FDPS: variants seen among roughly 807,000 people sequenced by gnomAD.
FDPS encodes farnesyl pyrophosphate synthase.
Under a neutral mutation model 49.5 loss-of-function variants are expected in FDPS, and 29 were observed. The observed-to-expected ratio is 0.59, with a 90% confidence interval of 0.44 to 0.80. The LOEUF (loss-of-function observed/expected upper bound fraction) is 0.80, where lower values mean the gene tolerates loss of function less well. FDPS is among the 30% of genes least tolerant of loss of function. FDPS has a pLI of 0.00. For missense variants in FDPS, 414 were observed against 525.6 expected (o/e 0.79, Z 2.08); for synonymous variants, 172 against 206.4 (o/e 0.83, Z 1.43).
intron 3 of FDPS, 85 bp downstream of exon 3, chr1:155,310,290 C>A: frequency 9.9e-5 from 111 of 1,122,294 alleles, no homozygotes; most frequent in Middle Eastern, 2.1e-4. Flanking sequence ...TTATGGGGGA[C>A]TTTTGACAGA....
chr1:155,320,256 ATT>A, intron 10 of FDPS, 151 bp from the exon 11 acceptor site: 1 of 703,678 alleles, frequency 1.4e-6, no homozygotes, highest in Admixed American at 2.7e-5. Flanking sequence ...GAAGCTTGGG[ATT>A]TTAGCTACGT....
chr1:155,313,389 G>A (rs1027356583), intron 4 of FDPS, among the ~76,000 whole-genome samples: 2 of 152,188 alleles, frequency 1.3e-5, no homozygotes, highest in African/African-American at 4.8e-5. Context: ...TGCCATGCCC[G>A]AGGAGGGTGG....
intron 2 of FDPS, 28 bp downstream of exon 2, chr1:155,309,993 G>A: frequency 6.2e-7 from 1 of 1,611,386 alleles, no homozygotes; most frequent in Non-Finnish European, 8.5e-7. Flanking sequence ...GAGGGGCCTT[G>A]GGGAGGGGAG....
intron 3 of FDPS, among the ~76,000 whole-genome samples, chr1:155,311,971 CAAAAAAAT>C (rs1361819269): frequency 4.7e-5 from 7 of 148,926 alleles, no homozygotes; most frequent in African/African-American, 1.5e-4. Context: ...GAATTCATCT[CAAAAAAAT>C]AAATAAATAA....
At position 155,320,628 on chromosome 1, in the gene FDPS, G is replaced by C. The variant is rs1049166713; in HGVS notation, c.*19G>C. On this transcript the variant is annotated 3_prime_UTR_variant, in exon 11 of 11. Transcript: ENST00000368356. ...AAAGTGACCTAGAGATTGCAAGGGC[G>C]GGGAGAGGAGGCTCTCAATAAATAA... 3 of 1,611,420 alleles carry C rather than the reference G, an allele frequency of 1.9e-6. No homozygotes were observed. The highest frequency in any genetic ancestry group is 1.1e-5 in the South Asian group (1 of 91,046).
In FDPS at chr1:155,318,126, G is replaced by A. The variant is rs199833424; in HGVS notation, c.562-43G>A. On this transcript the variant is annotated intron_variant, in intron 5 of 10. Coordinates refer to ENST00000368356, the MANE Select transcript of FDPS (RefSeq NM_002004.4). This position sits in a 1 kb window ranked among gnomAD's most constrained non-coding sequence, Gnocchi z 4.2. The stretch of plus-strand genomic sequence containing the variant: ...GGGGTGATGGCTCTTAGTATGAACC[G>A]AGACTAGAGATTGATTGCTTGTTTT... 56 of 1,613,856 alleles carry A rather than the reference G, an allele frequency of 3.5e-5. No homozygotes were observed. Among genetic ancestry groups the A allele is most frequent in the East Asian group, 6.7e-5 (3 of 44,890 alleles).
chr1:155,317,732 A>C, intron 4 of FDPS: 1 of 529,768 alleles, frequency 1.9e-6, no homozygotes, highest in East Asian at 3.2e-5. Context: ...TGGTCTCAGG[A>C]ACTCAGGAAG....
chr1:155,312,444 C>T, intron 4 of FDPS, 49 bp downstream of exon 4: 13 of 1,334,078 alleles, frequency 9.7e-6, no homozygotes, highest in Admixed American at 1.8e-5. Context: ...ATGGTGGTGA[C>T]TTGGGTGGGA....
Position 155,319,593 on chromosome 1 carries a change from A to AC in FDPS, c.847-12dup, listed in dbSNP as rs1302115033. On this transcript the variant is annotated splice_polypyrimidine_tract_variant and intron_variant, in intron 8 of 10. Coordinates refer to ENST00000368356, the MANE Select transcript of FDPS (RefSeq NM_002004.4). Reference sequence around the variant, plus strand: ...GGCACCCCTGGGGTTTGGCTTATTAACCCCCCTTTCCCTGCAGGCAGGAAT... The same window carrying AC: ...GGCACCCCTGGGGTTTGGCTTATTAACCCCCCCTTTCCCTGCAGGCAGGAAT... 2 of 1,613,404 alleles carry AC rather than the reference A, an allele frequency of 1.2e-6. No homozygotes were observed. The highest frequency in any genetic ancestry group is 1.7e-5 in the Admixed American group (1 of 60,010).
Position 155,315,105 on chromosome 1 carries a change from CT to C in FDPS, c.480+2711del, listed in dbSNP as rs1364584812. On this transcript the variant is annotated intron_variant, in intron 4 of 10. Coordinates refer to ENST00000368356, the MANE Select transcript of FDPS (RefSeq NM_002004.4). ...AAGATGCAGATGGATGCCTCCTTCC[CT>C]GAGGACCCTGCCTATAACAGCAGTG... Among the ~76,000 whole-genome samples, 6 of 152,362 alleles carry C rather than the reference CT, an allele frequency of 3.9e-5. No homozygotes were observed. The East Asian group carries it at 1.2e-3, about 29-fold the overall frequency.
Position 155,318,051 on chromosome 1 carries a change from ATG to A in FDPS, c.561+31_561+32del, listed in dbSNP as rs745999713. ...TGTGGGCAGGAAAATAGCAGTGGGT[ATG>A]GGGACAGGCCACAGGGAGGTGGTTA... On this transcript the variant is annotated intron_variant, in intron 5 of 10. Transcript: ENST00000368356. This position sits in a 1 kb window ranked among gnomAD's most constrained non-coding sequence, Gnocchi z 4.2. 6.2e-7 allele frequency: 1 copy of A among 1,612,390 alleles called. No individual in the cohort carries two copies. Among genetic ancestry groups the A allele is most frequent in the South Asian group, 1.1e-5 (1 of 91,046 alleles).
At chr1:155,311,016 G>A (rs111482063) in intron 3 of FDPS, among the ~76,000 whole-genome samples, 1 of 152,044 alleles carries the variant, frequency 6.6e-6, no homozygotes, top group African/African-American at 2.4e-5. Context: ...GAAGGGAAAG[G>A]GGGGCTTTGC....
intron 1 of FDPS, 55 bp downstream of exon 1, chr1:155,309,020 C>T (rs1373063641): frequency 6.6e-6 from 1 of 152,392 alleles, no homozygotes; most frequent in African/African-American, 2.4e-5. Context: ...CCGGGCCTTA[C>T]TTCTGTAACG....
rs1316286180 is a variant in FDPS, at chr1:155,309,926, G to A, written c.137G>A (p.Ser46Asn). The A allele has an allele frequency of 1.2e-6, 2 of 1,603,944 alleles. No individual in the cohort carries two copies. The highest frequency in any genetic ancestry group is 2.7e-5 in the African/African-American group (2 of 74,760). The change falls in exon 2 of 11, where the codon AGT becomes AAT. Residue 46 changes from serine to asparagine, a missense_variant. Coordinates refer to ENST00000368356, the MANE Select transcript of FDPS (RefSeq NM_002004.4). ...GGGTACCCAGTCCTGGCCTGGCACA[G>A]TGCCCGCTGCTGGTGCCAAGCGTGG... ...VHGYPVLAWH[S>N]ARCWCQAWTE...
intron 3 of FDPS, 118 bp from the exon 4 acceptor site, chr1:155,312,137 G>T: frequency 8.7e-7 from 1 of 1,151,810 alleles, no homozygotes; most frequent in East Asian, 2.4e-5. Flanking sequence ...TTGAAGAGGA[G>T]TTGGGGTTGG....
At chr1:155,312,593 A>C (rs1196310635) in intron 4 of FDPS, 198 bp downstream of exon 4, 1 of 588,656 alleles carries the variant, frequency 1.7e-6, no homozygotes, top group Non-Finnish European at 3.0e-6. Flanking sequence ...AGGTATGAAG[A>C]TGGCTGTAGA....
chr1:155,315,495 T>C (rs1293591740), intron 4 of FDPS, among the ~76,000 whole-genome samples: 1 of 151,790 alleles, frequency 6.6e-6, no homozygotes, highest in South Asian at 2.1e-4. Context: ...CTGGCTAACA[T>C]GGTGAAACCC....
At chr1:155,309,565 G>C (rs1648564524) in intron 1 of FDPS, 1 of 479,316 alleles carries the variant, frequency 2.1e-6, no homozygotes, top group Admixed American at 3.5e-5. Flanking sequence ...GTTCTAGCCT[G>C]TTTATTGTAA....
chr1:155,319,210 G>T (rs1378826537), intron 8 of FDPS, among the ~76,000 whole-genome samples: 1 of 152,224 alleles, frequency 6.6e-6, no homozygotes, highest in African/African-American at 2.4e-5. Flanking sequence ...CATCCAGGTT[G>T]AGAGGGAGAA....
Sources: gnomAD v4.1 joint callset for allele counts (sites outside exome capture counted in the v4.1 genomes callset) on GRCh38, gnomAD v4.1.1 for gene constraint, Gnocchi (gnomAD v3.1) non-coding constraint, MANE v1.5 for transcripts, NCBI Gene and HGNC (gene_info 2026-07-23, HGNC 2026-07-21) for gene names.